The following PAX7 variants were observed in gnomAD, a reference collection of about 807,000 sequenced individuals.
PAX7 encodes the protein paired box 7.
PAX7 carries 18 observed loss-of-function variants against 50.7 expected under a neutral mutation model. That is an observed-to-expected ratio of 0.36 (90% confidence interval 0.25 to 0.53). The LOEUF (loss-of-function observed/expected upper bound fraction) is 0.53, where lower values mean the gene tolerates loss of function less well. Ranked by LOEUF, PAX7 falls within the 20% of genes least tolerant of loss-of-function variation. The pLI is 0.93. For missense variants in PAX7, 644 were observed against 702.9 expected, an observed-to-expected ratio of 0.92 and a Z score of 0.95; for synonymous variants, 310 against 290.4, an observed-to-expected ratio of 1.07 and a Z score of -0.69.
At chr1:18,740,523 A>C (rs1184864266) in intron 8 of PAX7, among the ~76,000 whole-genome samples, 1 of 152,208 alleles carries the variant, frequency 6.6e-6, no homozygotes, top group Non-Finnish European at 1.5e-5. Flanking sequence ...TACCTAAAGC[A>C]TGGGGCAGTT....
At chr1:18,697,212 A>G (rs2089161101) in intron 5 of PAX7, among the ~76,000 whole-genome samples, 1 of 152,226 alleles carries the variant, frequency 6.6e-6, no homozygotes, top group African/African-American at 2.4e-5. Flanking sequence ...CTCCCAGCGC[A>G]GGGTATTGAG....
At chr1:18,661,841 G>A (rs1056993297) in intron 4 of PAX7, among the ~76,000 whole-genome samples, 5 of 152,232 alleles carry the variant, frequency 3.3e-5, no homozygotes, top group Non-Finnish European at 7.3e-5. Flanking sequence ...GCGCCTTCCA[G>A]TGACAGGGGG....
chr1:18,650,153 C>A (rs534879464), intron 4 of PAX7, among the ~76,000 whole-genome samples: 1 of 152,328 alleles, frequency 6.6e-6, no homozygotes, highest in South Asian at 2.1e-4. Flanking sequence ...GGGGAAGAAG[C>A]TCTGTATACT....
Position 18,670,792 on chromosome 1 carries a change from A to G in PAX7, c.587-20962A>G, listed in dbSNP as rs1026703507. On this transcript the variant is annotated intron_variant, in intron 4 of 8. Coordinates refer to ENST00000420770, the MANE Select transcript of PAX7 (RefSeq NM_001135254.2). ...CCTCCACCTGGCTCCTTGTCCCATC[A>G]GGCACCACTTAAGAGGATGTACCGT... 3.3e-5 allele frequency among the ~76,000 whole-genome samples: 5 copies of G among 152,136 alleles called. No homozygotes were observed. The South Asian group carries it at 8.3e-4, about 25-fold the overall frequency.
chr1:18,703,886 C>T (rs1235195021), intron 7 of PAX7, among the ~76,000 whole-genome samples: 3 of 152,198 alleles, frequency 2.0e-5, no homozygotes, highest in Admixed American at 6.5e-5. Context: ...CATAGTGTGG[C>T]AGAACAGTGA....
At chr1:18,686,896 A>ATTTTT (rs68110932) in intron 4 of PAX7, among the ~76,000 whole-genome samples, 4 of 127,884 alleles carry the variant, frequency 3.1e-5, no homozygotes, top group Admixed American at 7.7e-5. Context: ...TATTATTATT[A>ATTTTT]TTATTATTTT....
At chr1:18,645,959 C>A (rs1247294053) in intron 4 of PAX7, among the ~76,000 whole-genome samples, 1 of 152,240 alleles carries the variant, frequency 6.6e-6, no homozygotes, top group Non-Finnish European at 1.5e-5. Flanking sequence ...CCTCACCCTG[C>A]AGCTCTCCTT....
In PAX7 at chr1:18,674,622, C is replaced by T. The variant is rs1246391403; in HGVS notation, c.587-17132C>T. Among the ~76,000 whole-genome samples the T allele has an allele frequency of 2.0e-5, 3 of 152,174 alleles. No individual in the cohort carries two copies. The East Asian group carries it at 5.8e-4, about 29-fold the overall frequency. ...AAGCTGGCCCCCTTGGCATCGTCTCCACCCTTCCCATGTGAAAAAGATCCA... is the reference window on the plus strand; with the variant it reads ...AAGCTGGCCCCCTTGGCATCGTCTCTACCCTTCCCATGTGAAAAAGATCCA... On this transcript the variant is annotated intron_variant, in intron 4 of 8. Coordinates refer to ENST00000420770, the MANE Select transcript of PAX7 (RefSeq NM_001135254.2).
At chr1:18,716,967 G>A (rs1264705531) in intron 7 of PAX7, among the ~76,000 whole-genome samples, 1 of 33,202 alleles carries the variant, frequency 3.0e-5, no homozygotes, top group African/African-American at 1.4e-4. Flanking sequence ...AGTCCAGGGC[G>A]GGGGTTGGGG....
At chr1:18,677,111 T>C (rs1358907606) in intron 4 of PAX7, among the ~76,000 whole-genome samples, 1 of 152,186 alleles carries the variant, frequency 6.6e-6, no homozygotes, top group African/African-American at 2.4e-5. Flanking sequence ...GGGGGACACT[T>C]CCGCCCTGAC....
chr1:18,674,581 AAG>A (rs1352787907), intron 4 of PAX7, among the ~76,000 whole-genome samples: 1 of 152,192 alleles, frequency 6.6e-6, no homozygotes, highest in African/African-American at 2.4e-5. Context: ...GGCACAGAGA[AAG>A]AAGTTCCTCC....
At chr1:18,715,876 T>A (rs141394698) in intron 7 of PAX7, among the ~76,000 whole-genome samples, 1 of 152,266 alleles carries the variant, frequency 6.6e-6, no homozygotes, top group Non-Finnish European at 1.5e-5. Flanking sequence ...AGGGCCGGGA[T>A]GCAGACCTCC....
rs184180450 is a variant in PAX7, at chr1:18,672,507, G to A, written c.587-19247G>A. On this transcript the variant is annotated intron_variant, in intron 4 of 8. Coordinates refer to ENST00000420770, the MANE Select transcript of PAX7 (RefSeq NM_001135254.2). Reference sequence around the variant, plus strand: ...CTTCCATGTCAATTTCAGGAAACACGAGGTGCAGCATCTTCCCAGGATATG... The same window carrying A: ...CTTCCATGTCAATTTCAGGAAACACAAGGTGCAGCATCTTCCCAGGATATG... 2.8e-3 allele frequency among the ~76,000 whole-genome samples: 432 copies of A among 152,136 alleles called. 7 individuals carry two copies. Among genetic ancestry groups the A allele is most frequent in the African/African-American group, 9.9e-3 (409 of 41,508 alleles).
rs1331145125 is a variant in PAX7 at position 18,746,512 on chromosome 1, A to T, written c.*1583A>T. 4 of 231,040 alleles carry T rather than the reference A, an allele frequency of 1.7e-5. No individual in the cohort carries two copies. The highest frequency in any genetic ancestry group is 8.9e-5 in the African/African-American group (4 of 45,174). The allele number at this position is 231,040 out of a possible 1,614,324, so 14.3% of individuals were successfully genotyped here. A position where few individuals can be genotyped will look rare whatever the true frequency, so the allele number is the denominator to read the frequency against. ...TCATCTTTACCATCACTGTCACTGT[A>T]ATCTACATTCCATCACCTTTATCAG... On this transcript the variant is annotated 3_prime_UTR_variant, in exon 9 of 9. Coordinates refer to ENST00000420770, the MANE Select transcript of PAX7 (RefSeq NM_001135254.2).
chr1:18,649,822 A>C (rs1306827960), intron 4 of PAX7, among the ~76,000 whole-genome samples: 3 of 152,258 alleles, frequency 2.0e-5, no homozygotes, highest in African/African-American at 7.2e-5. Flanking sequence ...GGCCCCATGC[A>C]GAGGCCCTAG....
At chr1:18,717,575 C>T (rs768827584) in intron 7 of PAX7, among the ~76,000 whole-genome samples, 1 of 152,182 alleles carries the variant, frequency 6.6e-6, no homozygotes, top group Non-Finnish European at 1.5e-5. Flanking sequence ...AGGCCCCCTC[C>T]CATGCCCCTT....
intron 4 of PAX7, among the ~76,000 whole-genome samples, chr1:18,668,761 C>G (rs904294040): frequency 1.6e-4 from 25 of 152,214 alleles, no homozygotes; most frequent in African/African-American, 5.8e-4. Flanking sequence ...GCAATGCCTA[C>G]CTGGTACCAG....
At chr1:18,681,542 T>C (rs896061952) in intron 4 of PAX7, among the ~76,000 whole-genome samples, 2 of 152,094 alleles carry the variant, frequency 1.3e-5, no homozygotes, top group African/African-American at 4.8e-5. Flanking sequence ...CTAGAAAGGC[T>C]CTTTCCTGGC....
chr1:18,742,029 T>C lies in PAX7; in HGVS notation c.1403-2785T>C, dbSNP rs541719447. On this transcript the variant is annotated intron_variant, in intron 8 of 8. Transcript: ENST00000420770. The stretch of plus-strand genomic sequence containing the variant: ...CACTACCAGCCTCATAGAGTTGTTG[T>C]AAGAATTAAATGGAAAATGAGCACA... 9.2e-5 allele frequency among the ~76,000 whole-genome samples: 14 copies of C among 152,174 alleles called. No individual in the cohort carries two copies. In the South Asian group the frequency reaches 2.7e-3, roughly 29 times the overall value.
Sources: allele counts gnomAD v4.1 joint callset (sites outside exome capture counted in the v4.1 genomes callset), GRCh38; gene constraint gnomAD v4.1.1; transcripts MANE v1.5; gene names NCBI Gene and HGNC (gene_info 2026-07-23, HGNC 2026-07-21).